The following ADAM15 variants were observed in gnomAD, a reference collection of about 807,000 sequenced individuals.
ADAM15 encodes ADAM metallopeptidase domain 15, also known as disintegrin and metalloproteinase domain-containing protein 15.
In ADAM15, 77 loss-of-function variants were observed where a neutral mutation model predicts 113.8. The observed-to-expected ratio is 0.68, with a 90% CI of 0.56 to 0.82. ADAM15 has a LOEUF of 0.82. Among genes scored for constraint, ADAM15 ranks in the 40% least tolerant of loss-of-function variants. ADAM15 has a pLI of 0.00. For synonymous variants in ADAM15, 388 were observed against 454.1 expected (o/e 0.85, Z 1.85); for missense variants, 963 against 1,120.1 (o/e 0.86, Z 2.00).
At position 155,055,819 on chromosome 1, in the gene ADAM15, T is replaced by C. The variant is rs1211108015; in HGVS notation, c.642T>C (p.Thr214=). ...RRRDVVTETK[T]VELVIVADHS... is the part of the protein sequence containing the mutation. The stretch of plus-strand genomic sequence containing the variant: ...GGGATGTGGTAACAGAGACCAAGAC[T>C]GTGGAGTTGGTGATTGTGGCTGATC... The change falls in exon 7 of 23, where the codon ACT becomes ACC. Residue 214 remains threonine (T), a synonymous_variant. Coordinates refer to ENST00000356955, the MANE Select transcript of ADAM15 (RefSeq NM_207197.3). 6.2e-7 allele frequency: 1 copy of C among 1,614,222 alleles called. No homozygotes were observed. The highest frequency in any genetic ancestry group is 1.1e-5 in the South Asian group (1 of 91,090).
intron 19 of ADAM15, chr1:155,061,072 CCAAGAGG>C (rs1662520609): frequency 5.1e-6 from 3 of 583,212 alleles, no homozygotes; most frequent in Non-Finnish European, 9.2e-6. Flanking sequence ...CGTCCGCTGG[CCAAGAGG>C]TGGCTTTGAG....
At chr1:155,061,369 C>G in intron 19 of ADAM15, 46 bp from the exon 20 acceptor site, 3 of 1,555,664 alleles carry the variant, frequency 1.9e-6, no homozygotes, top group Non-Finnish European at 2.6e-6. Context: ...TGTCTCTCTG[C>G]TTCCTCTTCC....
chr1:155,052,372 G>A, intron 1 of ADAM15: 2 of 860,724 alleles, frequency 2.3e-6, no homozygotes, highest in Non-Finnish European at 3.5e-6. Context: ...AGTGGGAACC[G>A]GGGAGGGTCC....
Position 155,060,249 on chromosome 1 carries a change from T to C in ADAM15, c.2113T>C (p.Leu705=). Residue 705 remains leucine (L), a synonymous_variant, in exon 18 of 23, where the codon TTA becomes CTA. Coordinates refer to ENST00000356955, the MANE Select transcript of ADAM15 (RefSeq NM_207197.3). The part of the protein sequence containing the change: ...TTGLLLSLLV[L]LVLVMLGASY... ...AGGGCTGCTCCTCAGCCTCCTGGTC[T>C]TATTGGTCCTGGTGATGCTTGGTGC... is the stretch of plus-strand genomic sequence containing the variant. 6.2e-7 allele frequency: 1 copy of C among 1,614,148 alleles called. No homozygotes were observed. Among genetic ancestry groups the C allele is most frequent in the Non-Finnish European group, 8.5e-7 (1 of 1,180,022 alleles).
intron 19 of ADAM15, 70 bp downstream of exon 19, chr1:155,060,902 C>G: frequency 7.0e-7 from 1 of 1,427,346 alleles, no homozygotes; most frequent in Non-Finnish European, 9.7e-7. Context: ...CTGGGGGGTG[C>G]GCATTAAAGG....
At chr1:155,053,559 C>A in intron 3 of ADAM15, 66 bp downstream of exon 3, 1 of 1,524,814 alleles carries the variant, frequency 6.6e-7, no homozygotes, top group Non-Finnish European at 9.1e-7. Flanking sequence ...TTATTATGTG[C>A]CAGGTACTAA....
Position 155,057,511 on chromosome 1 carries a change from T to A in ADAM15, c.1324-126T>A, listed in dbSNP as rs1661933040. 1 of 1,480,312 alleles carries A rather than the reference T, an allele frequency of 6.8e-7. No individual in the cohort carries two copies. Among genetic ancestry groups the A allele is most frequent in the African/African-American group, 1.4e-5 (1 of 72,364 alleles). The allele number at this position is 1,480,312 out of a possible 1,614,324, so 91.7% of individuals were successfully genotyped here. ...CCTGTCTGTGGGGACAGCACATGGG[T>A]TGTTGGGCTCTAGCCCTCGCTTGCT... On this transcript the variant is annotated intron_variant, in intron 12 of 22. Transcript: ENST00000356955. This position sits in a 1 kb window ranked among gnomAD's most constrained non-coding sequence, Gnocchi z 5.0.
chr1:155,061,441 C>G lies in ADAM15; in HGVS notation c.2304C>G (p.Ala768=), dbSNP rs771336777. 31 of 1,613,808 alleles carry G rather than the reference C, an allele frequency of 1.9e-5. No individual in the cohort carries two copies. The highest frequency in any genetic ancestry group is 5.0e-5 in the Admixed American group (3 of 59,998). ...TKQASALSFP[A]PPSRPLPPDP... is the part of the protein sequence containing the mutation. ...AGGCTAGTGCTCTCAGCTTCCCGGC[C>G]CCCCCTTCCAGGCCGCTGCCGCCTG... The change falls in exon 20 of 23, where the codon GCC becomes GCG. Residue 768 remains alanine, a synonymous_variant. Transcript: ENST00000356955.
At chr1:155,053,531 C>T (rs1661368644) in intron 3 of ADAM15, 38 bp downstream of exon 3, 1 of 1,599,934 alleles carries the variant, frequency 6.3e-7, no homozygotes, top group African/African-American at 1.3e-5. Flanking sequence ...ACCACATGGC[C>T]AACAACTTGT....
chr1:155,056,298 T>G lies in ADAM15; in HGVS notation c.914+49T>G, dbSNP rs1265971201. On this transcript the variant is annotated intron_variant, in intron 9 of 22. Transcript: ENST00000356955. The surrounding 1 kb of genome is among the most constrained non-coding windows in gnomAD (Gnocchi z 4.0). ...AGAGGCCAGTCCTGTCCTGGCCAAA[T>G]TCACACCCCTTCAGCACCCTACCTC... The G allele has an allele frequency of 1.2e-6, 2 of 1,611,960 alleles. No individual in the cohort carries two copies. Among genetic ancestry groups the G allele is most frequent in the Non-Finnish European group, 1.7e-6 (2 of 1,178,594 alleles).
Position 155,056,169 on chromosome 1 carries a change from T to G in ADAM15, c.834T>G (p.Ala278=). ...RDLVEISPNP[A]VTLENFLHWR... Reference sequence around the variant, plus strand: ...TGGTGGAGATCAGCCCAAACCCAGCTGTCACCCTCGAAAACTTCCTCCACT... The same window carrying G: ...TGGTGGAGATCAGCCCAAACCCAGCGGTCACCCTCGAAAACTTCCTCCACT... The change falls in exon 9 of 23, where the codon GCT becomes GCG. Residue 278 remains alanine, a synonymous_variant. Transcript: ENST00000356955. This position sits in a 1 kb window ranked among gnomAD's most constrained non-coding sequence, Gnocchi z 4.0. 6.2e-7 allele frequency: 1 copy of G among 1,614,074 alleles called. No homozygotes were observed. The highest frequency in any genetic ancestry group is 2.2e-5 in the East Asian group (1 of 44,878).
Sources: allele counts gnomAD v4.1 joint callset, GRCh38; gene constraint gnomAD v4.1.1; non-coding constraint Gnocchi (gnomAD v3.1); transcripts MANE v1.5; gene names NCBI Gene and HGNC (gene_info 2026-07-23, HGNC 2026-07-21).